The following CDH13 variants were observed in gnomAD, a reference collection of about 807,000 sequenced individuals.
CDH13 encodes the protein cadherin-13.
A neutral mutation model predicts 63.8 loss-of-function variants in CDH13; 24 were observed. The observed-to-expected ratio is 0.38, with a 90% confidence interval of 0.27 to 0.53. The LOEUF is 0.53. Ranked by LOEUF, CDH13 falls within the 20% of genes least tolerant of loss-of-function variation. CDH13 has a pLI of 0.85. For synonymous variants in CDH13, 503 were observed against 355.3 expected (o/e 1.42, Z -4.67); for missense variants, 1,049 against 903.1 (o/e 1.16, Z -2.07).
chr16:82,873,934 A>G (rs2040423060), intron 2 of CDH13, among the ~76,000 whole-genome samples: 1 of 152,036 alleles, frequency 6.6e-6, no homozygotes. Context: ...ACCACTTCTC[A>G]CTCATGCTTG....
At chr16:83,430,700 T>C (rs186532080) in intron 6 of CDH13, among the ~76,000 whole-genome samples, 105 of 152,296 alleles carry the variant, frequency 6.9e-4, no homozygotes, top group African/African-American at 2.3e-3. Flanking sequence ...TCAACAAGGA[T>C]CTGAAATTAT....
intron 1 of CDH13, among the ~76,000 whole-genome samples, chr16:82,834,511 G>C (rs1245648584): frequency 6.6e-6 from 1 of 152,160 alleles, no homozygotes; most frequent in Admixed American, 6.5e-5. Flanking sequence ...CCTTCCATTG[G>C]TGAAGCGTAG....
intron 7 of CDH13, among the ~76,000 whole-genome samples, chr16:83,566,575 T>A (rs1197851328): frequency 1.3e-5 from 2 of 152,102 alleles, no homozygotes; most frequent in Admixed American, 1.3e-4. Flanking sequence ...GTGCTTCCTG[T>A]TCCCTGGACC....
chr16:83,660,530 C>G (rs1273433753), intron 8 of CDH13, among the ~76,000 whole-genome samples: 4 of 152,220 alleles, frequency 2.6e-5, no homozygotes, highest in Non-Finnish European at 4.4e-5. Context: ...TCTCCCACAG[C>G]TCACCTCCTT....
At chr16:82,961,589 A>ACAAAAAAAC (rs988253931) in intron 2 of CDH13, among the ~76,000 whole-genome samples, 1 of 151,304 alleles carries the variant, frequency 6.6e-6, no homozygotes, top group African/African-American at 2.4e-5. Context: ...AAAAAAAAAA[A>ACAAAAAAAC]AAAAAAACTA....
intron 3 of CDH13, among the ~76,000 whole-genome samples, chr16:83,053,806 T>C (rs1438793547): frequency 6.6e-6 from 1 of 152,070 alleles, no homozygotes; most frequent in African/African-American, 2.4e-5. Flanking sequence ...TCCAGTAACA[T>C]ATACAGCAGC....
At chr16:83,443,298 C>A (rs9939319) in intron 6 of CDH13, among the ~76,000 whole-genome samples, 1 of 151,864 alleles carries the variant, frequency 6.6e-6, no homozygotes, top group South Asian at 2.1e-4. Context: ...GCTGGGAGGC[C>A]CTTCCGCAAC....
intron 4 of CDH13, among the ~76,000 whole-genome samples, chr16:83,207,351 G>A (rs2039212047): frequency 6.6e-6 from 1 of 152,100 alleles, no homozygotes; most frequent in African/African-American, 2.4e-5. Flanking sequence ...TTCTGTAACT[G>A]GCTTATTTCA....
chr16:83,411,367 A>C (rs1019923751), intron 6 of CDH13, among the ~76,000 whole-genome samples: 1 of 152,064 alleles, frequency 6.6e-6, no homozygotes, highest in Non-Finnish European at 1.5e-5. Flanking sequence ...CATCATCCAC[A>C]AGCATCCAAT....
intron 5 of CDH13, among the ~76,000 whole-genome samples, chr16:83,247,768 C>G (rs1020970361): frequency 1.3e-5 from 2 of 152,134 alleles, no homozygotes; most frequent in Non-Finnish European, 2.9e-5. Context: ...TTTCAGTGGA[C>G]AAACCAATAA....
intron 3 of CDH13, among the ~76,000 whole-genome samples, chr16:83,079,274 A>G (rs2033071906): frequency 6.6e-6 from 1 of 152,214 alleles, no homozygotes; most frequent in South Asian, 2.1e-4. Flanking sequence ...ATTCCATTGT[A>G]TGAACGAACA....
chr16:83,164,080 G>A (rs540701857), intron 4 of CDH13, among the ~76,000 whole-genome samples: 1 of 152,068 alleles, frequency 6.6e-6, no homozygotes, highest in South Asian at 2.1e-4. Context: ...AACTGATCGG[G>A]AAAAAAATGA....
chr16:83,406,423 C>A (rs9939727), intron 6 of CDH13, among the ~76,000 whole-genome samples: 1,833 of 151,568 alleles, frequency 0.012, 43 homozygotes, highest in African/African-American at 0.043. Context: ...TCTTTCCCCC[C>A]CCGCCTCTCT....
chr16:83,468,261 A>G (rs192503017), intron 6 of CDH13, among the ~76,000 whole-genome samples: 6 of 152,304 alleles, frequency 3.9e-5, no homozygotes, highest in Admixed American at 2.0e-4. Flanking sequence ...CTTAGAAGAA[A>G]GAGGCAACAG....
At chr16:82,853,919 C>T (rs1260944143) in intron 1 of CDH13, among the ~76,000 whole-genome samples, 1 of 152,168 alleles carries the variant, frequency 6.6e-6, no homozygotes, top group East Asian at 1.9e-4. Context: ...ATGCATGTGA[C>T]ATCTCATAAT....
intron 6 of CDH13, among the ~76,000 whole-genome samples, chr16:83,345,484 C>T (rs528616208): frequency 6.6e-6 from 1 of 152,330 alleles, no homozygotes; most frequent in South Asian, 2.1e-4. Flanking sequence ...CTTTTGTCTT[C>T]AGTCAGAGGA....
At chr16:82,802,388 C>G (rs2036908486) in intron 1 of CDH13, among the ~76,000 whole-genome samples, 1 of 152,186 alleles carries the variant, frequency 6.6e-6, no homozygotes, top group Non-Finnish European at 1.5e-5. Context: ...ATGCTCTTTT[C>G]TGCTTCGCCT....
chr16:83,102,321 G>C (rs1597338884), intron 3 of CDH13, among the ~76,000 whole-genome samples: 1 of 152,196 alleles, frequency 6.6e-6, no homozygotes, highest in Non-Finnish European at 1.5e-5. Context: ...ACTTGTTATA[G>C]CAGCCATTGG....
At chr16:83,125,694 A>G (rs905551571) in intron 4 of CDH13, among the ~76,000 whole-genome samples, 193 bp downstream of exon 4, 8 of 152,220 alleles carry the variant, frequency 5.3e-5, no homozygotes, top group Non-Finnish European at 7.3e-5. Context: ...GAAAAAACCA[A>G]TAGCAGCTTT....
Sources: gnomAD v4.1 joint callset for allele counts (sites outside exome capture counted in the v4.1 genomes callset) on GRCh38, gnomAD v4.1.1 for gene constraint, MANE v1.5 for transcripts, NCBI Gene and HGNC (gene_info 2026-07-23, HGNC 2026-07-21) for gene names.